RNF130: variants seen among roughly 807,000 people sequenced by gnomAD.
RNF130 encodes the protein E3 ubiquitin-protein ligase RNF130.
Under a neutral mutation model 44.6 loss-of-function variants are expected in RNF130, and 21 were observed. The observed-to-expected ratio is 0.47, with a 90% CI of 0.33 to 0.68. The LOEUF is 0.68. Among genes scored for constraint, RNF130 ranks in the 30% least tolerant of loss-of-function variants. The probability of loss-of-function intolerance (pLI) is 0.02; values close to 1 mark genes in which losing one functional copy is unlikely to be tolerated. For synonymous variants in RNF130, 214 were observed against 210.4 expected (o/e 1.02, Z -0.15); for missense variants, 479 against 560.6 (o/e 0.85, Z 1.47).
At position 180,068,960 on chromosome 5, in the gene RNF130, G is replaced by T. The variant is rs1765178847; in HGVS notation, c.247+2496C>A. Among the ~76,000 whole-genome samples the T allele has an allele frequency of 2.6e-5, 4 of 152,040 alleles. No homozygotes were observed. In the South Asian group the frequency reaches 8.3e-4, roughly 32 times the overall value. ...AATTCAAAATTATAAGAGCATCAAG[G>T]TCATAAAGATGCACTATTTTTTCTA... is the stretch of plus-strand genomic sequence containing the variant. On this transcript the variant is annotated intron_variant, in intron 1 of 8. Coordinates refer to ENST00000521389, the MANE Select transcript of RNF130 (RefSeq NM_018434.6).
chr5:179,980,057 G>T, intron 4 of RNF130, 72 bp downstream of exon 4: 1 of 1,233,448 alleles, frequency 8.1e-7, no homozygotes, highest in Non-Finnish European at 1.2e-6. Flanking sequence ...ATTAGGGTGT[G>T]TCCTCTCCCA....
chr5:179,958,443 G>A (rs1465182120), intron 8 of RNF130, among the ~76,000 whole-genome samples: 1 of 152,138 alleles, frequency 6.6e-6, no homozygotes, highest in Middle Eastern at 3.2e-3. Flanking sequence ...GATATTTAAG[G>A]TTCTAAAAGA....
At chr5:180,036,848 G>GCT (rs1156828291) in intron 2 of RNF130, among the ~76,000 whole-genome samples, 4 of 6,654 alleles carry the variant, frequency 6.0e-4, no homozygotes, top group African/African-American at 2.6e-3. Context: ...CTCAGCTTAA[G>GCT]AAATAAAACA....
Position 179,985,153 on chromosome 5 carries a change from CTTTTTT to C in RNF130, c.694-4959_694-4954del, listed in dbSNP as rs34998254. 1.4e-4 allele frequency among the ~76,000 whole-genome samples: 13 copies of C among 91,980 alleles called. 1 individual carries two copies. Among genetic ancestry groups the C allele is most frequent in the Admixed American group, 2.9e-4 (2 of 6,950 alleles). The allele number at this position is 91,980 out of a possible 152,430, so 60.3% of individuals were successfully genotyped here. A position where few individuals can be genotyped will look rare whatever the true frequency, so the allele number is the denominator to read the frequency against. ...CATCTTGAAACCCTTTACCCCCTAA[CTTTTTT>C]TTTTTTTTTTTTTTTTGCCATATCC... On this transcript the variant is annotated intron_variant, in intron 3 of 8. Transcript: ENST00000521389.
At chr5:179,928,358 T>G (rs905873955) in intron 7 of RNF130, among the ~76,000 whole-genome samples, 17 of 136,084 alleles carry the variant, frequency 1.2e-4, no homozygotes, top group African/African-American at 4.5e-4. Flanking sequence ...GATATTTTGT[T>G]TTTTTTTTTC....
intron 3 of RNF130, among the ~76,000 whole-genome samples, chr5:179,982,044 C>T (rs1762852174): frequency 6.6e-6 from 1 of 152,022 alleles, no homozygotes; most frequent in South Asian, 2.1e-4. Context: ...CTTCTTTGTG[C>T]CCCTTCCTAA....
At chr5:179,995,201 CCT>C (rs146348005) in intron 3 of RNF130, among the ~76,000 whole-genome samples, 3 of 151,698 alleles carry the variant, frequency 2.0e-5, no homozygotes, top group East Asian at 3.9e-4. Flanking sequence ...ATGGGACCTG[CCT>C]CTCTCTCTCT....
intron 3 of RNF130, among the ~76,000 whole-genome samples, chr5:179,991,841 C>T (rs1018788097): frequency 1.3e-5 from 2 of 152,080 alleles, no homozygotes; most frequent in African/African-American, 4.8e-5. Flanking sequence ...TGTTCTCCTG[C>T]AAGCAGATGG....
chr5:179,972,908 C>T (rs1352096185), intron 5 of RNF130, among the ~76,000 whole-genome samples: 5 of 151,942 alleles, frequency 3.3e-5, no homozygotes, highest in Non-Finnish European at 5.9e-5. Flanking sequence ...AAAAGAAGTG[C>T]CCACCCCTCT....
chr5:179,998,846 G>A (rs1269406502), intron 3 of RNF130, among the ~76,000 whole-genome samples: 1 of 82,426 alleles, frequency 1.2e-5, no homozygotes, highest in Admixed American at 1.3e-4. Context: ...TCTCTCTTTA[G>A]ATCTAGTATT....
chr5:180,001,925 C>G (rs1449716605), intron 3 of RNF130, among the ~76,000 whole-genome samples: 2 of 152,220 alleles, frequency 1.3e-5, no homozygotes, highest in African/African-American at 4.8e-5. Context: ...AGTCACCGCT[C>G]TATTTCTCTG....
intron 2 of RNF130, 99 bp downstream of exon 2, chr5:180,040,354 G>T: frequency 8.9e-7 from 1 of 1,119,622 alleles, no homozygotes; most frequent in Non-Finnish European, 1.3e-6. Flanking sequence ...ATAGGATTAT[G>T]TTGGAAATTA....
At chr5:180,068,308 T>C (rs1197907377) in intron 1 of RNF130, among the ~76,000 whole-genome samples, 2 of 147,758 alleles carry the variant, frequency 1.4e-5, no homozygotes, top group African/African-American at 2.7e-5. Flanking sequence ...AGCTCACCAT[T>C]TGAGTAAGTA....
intron 6 of RNF130, among the ~76,000 whole-genome samples, chr5:179,968,581 G>A (rs1762505609): frequency 6.7e-6 from 1 of 150,044 alleles, no homozygotes. Context: ...CATGAGAACT[G>A]CTTGAACCTG....
intron 7 of RNF130, among the ~76,000 whole-genome samples, chr5:179,929,417 G>A (rs1313564057): frequency 6.6e-6 from 1 of 152,154 alleles, no homozygotes; most frequent in Admixed American, 6.6e-5. Context: ...TCTTCAAAAT[G>A]TTCTTGTTAT....
intron 1 of RNF130, among the ~76,000 whole-genome samples, chr5:180,051,925 A>G (rs1289058752): frequency 6.6e-6 from 1 of 152,222 alleles, no homozygotes; most frequent in Non-Finnish European, 1.5e-5. Context: ...TGAAAATTAG[A>G]GCTTGGTCCT....
intron 2 of RNF130, among the ~76,000 whole-genome samples, chr5:180,040,178 A>G (rs1222831329): frequency 6.6e-6 from 1 of 152,216 alleles, no homozygotes; most frequent in African/African-American, 2.4e-5. Context: ...TTATTTGTCA[A>G]AGTTATTAAG....
intron 1 of RNF130, among the ~76,000 whole-genome samples, chr5:180,055,248 CAAAAAAAAAAAAAAA>C (rs1205914690): frequency 0.016 from 331 of 20,956 alleles, 4 homozygotes; most frequent in Admixed American, 0.022. Context: ...GGTTCTGTCT[CAAAAAAAAAAAAAAA>C]AAAAAAAAAA....
rs189562352 is a variant in RNF130, at chr5:180,060,981, A to G, written c.247+10475T>C. On this transcript the variant is annotated intron_variant, in intron 1 of 8. Coordinates refer to ENST00000521389, the MANE Select transcript of RNF130 (RefSeq NM_018434.6). ...CTACGCGGGAGGCTGAGGCAGGAGA[A>G]TGGCGTGAACCCCGGGGGGGCGGAG... Among the ~76,000 whole-genome samples the G allele has an allele frequency of 5.2e-4, 74 of 141,394 alleles. No individual in the cohort carries two copies. The East Asian group carries it at 0.014, about 28-fold the overall frequency. The allele number at this position is 141,394 out of a possible 152,430, so 92.8% of individuals were successfully genotyped here. A position where few individuals can be genotyped will look rare whatever the true frequency, so the allele number is the denominator to read the frequency against.
Sources: allele counts gnomAD v4.1 joint callset (sites outside exome capture counted in the v4.1 genomes callset), GRCh38; gene constraint gnomAD v4.1.1; transcripts MANE v1.5; gene names NCBI Gene and HGNC (gene_info 2026-07-23, HGNC 2026-07-21).